Variants in REL observed in about 807,000 individuals in gnomAD.
REL encodes the protein REL proto-oncogene, NF-kB subunit.
Under a neutral mutation model 45.9 loss-of-function variants are expected in REL, and 15 were observed. The ratio of observed to expected loss-of-function variants is 0.33; its 90% confidence interval spans 0.22 to 0.50. The LOEUF (loss-of-function observed/expected upper bound fraction) is 0.50, where lower values mean the gene tolerates loss of function less well. Among genes scored for constraint, REL ranks in the 20% least tolerant of loss-of-function variants. The probability of loss-of-function intolerance (pLI) is 0.98; values close to 1 mark genes in which losing one functional copy is unlikely to be tolerated. For synonymous variants in REL, 239 were observed against 242.1 expected, an observed-to-expected ratio of 0.99 and a Z score of 0.12; for missense variants, 601 against 715.2, an observed-to-expected ratio of 0.84 and a Z score of 1.82.
intron 4 of REL, among the ~76,000 whole-genome samples, chr2:60,903,427 G>A (rs1334775286): frequency 6.6e-6 from 1 of 152,174 alleles, no homozygotes; most frequent in Non-Finnish European, 1.5e-5. Flanking sequence ...GGGCTGGAGT[G>A]CAGTGATGTG....
chr2:60,915,169 G>T (rs1440578703), intron 4 of REL, among the ~76,000 whole-genome samples: 1 of 151,936 alleles, frequency 6.6e-6, no homozygotes, highest in South Asian at 2.1e-4. Context: ...TTCCATTGTA[G>T]GTCTATACCA....
Position 60,922,613 on chromosome 2 carries a change from A to G in REL, c.*78A>G. ...ATTTTGTATTTGTCTAACTGGGGAT[A>G]TAATACTATATTTATACTGTATATA... is the stretch of plus-strand genomic sequence containing the variant. On this transcript the variant is annotated 3_prime_UTR_variant, in exon 10 of 10. Coordinates refer to ENST00000394479, the MANE Select transcript of REL (RefSeq NM_001291746.2). The G allele has an allele frequency of 1.4e-6, 2 of 1,423,088 alleles. No individual in the cohort carries two copies. The highest frequency in any genetic ancestry group is 1.4e-5 in the African/African-American group (1 of 69,394). The allele number at this position is 1,423,088 out of a possible 1,614,324, so 88.2% of individuals were successfully genotyped here. A position where few individuals can be genotyped will look rare whatever the true frequency, so the allele number is the denominator to read the frequency against.
At chr2:60,918,164 A>G in intron 5 of REL, 27 bp from the exon 6 acceptor site, 1 of 1,375,826 alleles carries the variant, frequency 7.3e-7, no homozygotes, top group Non-Finnish European at 1.0e-6. Flanking sequence ...GTAGCAACTC[A>G]TTTTTTTGAA....
At chr2:60,897,893 A>G (rs910741511) in intron 3 of REL, among the ~76,000 whole-genome samples, 4 of 151,494 alleles carry the variant, frequency 2.6e-5, no homozygotes, top group African/African-American at 4.9e-5. Context: ...CACTTCAAAT[A>G]GAATATTCCC....
intron 8 of REL, 98 bp from the exon 9 acceptor site, chr2:60,920,476 C>G: frequency 1.1e-6 from 1 of 893,230 alleles, no homozygotes; most frequent in Non-Finnish European, 1.9e-6. Flanking sequence ...GCTGGGATTA[C>G]AGGTGGGAGC....
Position 60,903,688 on chromosome 2 carries a change from G to A in REL, c.394+2605G>A, listed in dbSNP as rs560685491. Among the ~76,000 whole-genome samples, 203 of 152,146 alleles carry A rather than the reference G, an allele frequency of 1.3e-3. 2 individuals are homozygous for A. Among genetic ancestry groups the A allele is most frequent in the African/African-American group, 4.5e-3 (188 of 41,514 alleles). ...AGTTGGAATTGTAGATGTATACTAC[G>A]CCTGGCTAATTTTTGTATTTTTATT... is the stretch of plus-strand genomic sequence containing the variant. On this transcript the variant is annotated intron_variant, in intron 4 of 9. Transcript: ENST00000394479.
intron 2 of REL, among the ~76,000 whole-genome samples, chr2:60,892,536 C>G (rs1179124066): frequency 1.3e-5 from 2 of 151,962 alleles, no homozygotes; most frequent in Non-Finnish European, 2.9e-5. Flanking sequence ...TCAAGTGATT[C>G]TCCTGCCTCA....
rs78334916 is a variant in REL, at chr2:60,905,777, A to G, written c.394+4694A>G. Reference sequence around the variant, plus strand: ...AAGAGGGCCAAGCAGGTGACTTGAAAGACAGGTGTGCTGGGAATCTGCATT... The same window carrying G: ...AAGAGGGCCAAGCAGGTGACTTGAAGGACAGGTGTGCTGGGAATCTGCATT... On this transcript the variant is annotated intron_variant, in intron 4 of 9. Coordinates refer to ENST00000394479, the MANE Select transcript of REL (RefSeq NM_001291746.2). Among the ~76,000 whole-genome samples the G allele has an allele frequency of 3.3e-3, 499 of 152,292 alleles. 6 individuals carry two copies. Among genetic ancestry groups the G allele is most frequent in the African/African-American group, 0.012 (478 of 41,564 alleles).
chr2:60,905,564 A>G (rs1411354177), intron 4 of REL, among the ~76,000 whole-genome samples: 9 of 152,226 alleles, frequency 5.9e-5, no homozygotes, highest in Non-Finnish European at 1.3e-4. Flanking sequence ...TTTTTAAAAT[A>G]ATAACTTATC....
rs189438459 is a variant in REL at position 60,911,627 on chromosome 2, A to T, written c.395-5250A>T. ...AAGATTTCTTTAGGGAAAATTATAA[A>T]ATTTTATTATGAGATCTTAGAGAAT... On this transcript the variant is annotated intron_variant, in intron 4 of 9. Transcript: ENST00000394479. Among the ~76,000 whole-genome samples the T allele has an allele frequency of 3.6e-4, 55 of 152,302 alleles. No homozygotes were observed. In the East Asian group the frequency reaches 7.1e-3, roughly 20 times the overall value.
Position 60,922,285 on chromosome 2 carries a change from A to C in REL, c.1514A>C (p.His505Pro). ...GACCCAAGAGACTTGAGACAGCTCCATCAGATGTCCTCTTCCAGTATGTCA... is the reference window on the plus strand; with the variant it reads ...GACCCAAGAGACTTGAGACAGCTCCCTCAGATGTCCTCTTCCAGTATGTCA... ...VLDPRDLRQL[H>P]QMSSSSMSAG... Residue 505 changes from histidine (H) to proline (P), a missense_variant, in exon 10 of 10, where the codon CAT becomes CCT. Coordinates refer to ENST00000394479, the MANE Select transcript of REL (RefSeq NM_001291746.2). 6.2e-7 allele frequency: 1 copy of C among 1,614,178 alleles called. No homozygotes were observed. Among genetic ancestry groups the C allele is most frequent in the Non-Finnish European group, 8.5e-7 (1 of 1,180,000 alleles).
At chr2:60,895,374 G>A (rs1476676333) in intron 3 of REL, among the ~76,000 whole-genome samples, 1 of 151,856 alleles carries the variant, frequency 6.6e-6, no homozygotes, top group Middle Eastern at 3.2e-3. Flanking sequence ...TAGAGATGGG[G>A]TTTTGCTTGT....
At chr2:60,890,691 T>C (rs1423629072) in intron 1 of REL, among the ~76,000 whole-genome samples, 1 of 152,232 alleles carries the variant, frequency 6.6e-6, no homozygotes, top group Admixed American at 6.5e-5. Flanking sequence ...ATATAATTTA[T>C]GTACAACAAA....
At chr2:60,912,289 T>C (rs1043598020) in intron 4 of REL, among the ~76,000 whole-genome samples, 3 of 152,178 alleles carry the variant, frequency 2.0e-5, no homozygotes, top group Non-Finnish European at 4.4e-5. Flanking sequence ...CTTGTTTTTA[T>C]TAATCTTTCT....
rs1424222317 is a variant in REL, at chr2:60,930,134, G to GTA, written c.*7600_*7601dup. On this transcript the variant is annotated 3_prime_UTR_variant, in exon 10 of 10. Coordinates refer to ENST00000394479, the MANE Select transcript of REL (RefSeq NM_001291746.2). ...GAAAGAATAGGGACTTTTTACTCAG[G>GTA]TAATACCCAGCCTGCTACCTAACAG... 6.6e-6 allele frequency: 1 copy of GTA among 152,244 alleles called. No homozygotes were observed. Among genetic ancestry groups the GTA allele is most frequent in the African/African-American group, 2.4e-5 (1 of 41,448 alleles). 9.4% of individuals were successfully genotyped at this position (152,244 alleles called of 1,614,324 possible).
chr2:60,918,714 G>T, intron 7 of REL, 108 bp downstream of exon 7: 8 of 760,178 alleles, frequency 1.1e-5, no homozygotes, highest in African/African-American at 3.6e-5. Context: ...CATAATTTAT[G>T]TTTCTTTTCC....
At chr2:60,900,923 A>G (rs891709360) in intron 3 of REL, 69 bp from the exon 4 acceptor site, 36 of 1,293,368 alleles carry the variant, frequency 2.8e-5, no homozygotes, top group Admixed American at 8.2e-5. Flanking sequence ...CAGTATTGCT[A>G]TATGTTTGAT....
intron 1 of REL, among the ~76,000 whole-genome samples, chr2:60,889,226 G>A (rs555540726): frequency 7.9e-5 from 12 of 151,994 alleles, no homozygotes; most frequent in Middle Eastern, 3.4e-3. Flanking sequence ...CATTTCCTCC[G>A]CTCTTTTGCT....
At chr2:60,918,068 G>A in intron 5 of REL, 123 bp from the exon 6 acceptor site, 2 of 616,860 alleles carry the variant, frequency 3.2e-6, no homozygotes, top group Non-Finnish European at 5.8e-6. Context: ...TGTATTTAGT[G>A]TCATTTATCT....
Sources: gnomAD v4.1 joint callset for allele counts (sites outside exome capture counted in the v4.1 genomes callset) on GRCh38, gnomAD v4.1.1 for gene constraint, MANE v1.5 for transcripts, NCBI Gene and HGNC (gene_info 2026-07-23, HGNC 2026-07-21) for gene names.